The following PPP2R3B variants were observed in gnomAD, a reference collection of about 807,000 sequenced individuals.
The protein encoded by PPP2R3B is protein phosphatase 2 regulatory subunit B''beta, also known as serine/threonine-protein phosphatase 2A regulatory subunit B'' subunit beta.
In PPP2R3B, 68 loss-of-function variants were observed where a neutral mutation model predicts 72.9. The observed-to-expected ratio is 0.93, with a 90% confidence interval of 0.77 to 1.14. The LOEUF (loss-of-function observed/expected upper bound fraction) is 1.14. PPP2R3B is among the 50% of genes most tolerant of loss of function. The probability of loss-of-function intolerance (pLI) is 0.00; values close to 1 mark genes in which losing one functional copy is unlikely to be tolerated. For missense variants in PPP2R3B, 1,018 were observed against 842.0 expected (o/e 1.21, Z -2.59); for synonymous variants, 466 against 375.8 (o/e 1.24, Z -2.78).
intron 7 of PPP2R3B, 30 bp downstream of exon 7, chrX:345,486 C>T: frequency 2.5e-6 from 4 of 1,610,890 alleles, no homozygotes; most frequent in Middle Eastern, 1.7e-4. Flanking sequence ...GGTGTCCGCG[C>T]GGCCCGCCCG....
At chrX:355,465 G>A (rs1172189761) in intron 2 of PPP2R3B, among the ~76,000 whole-genome samples, 1 of 152,176 alleles carries the variant, frequency 6.6e-6, no homozygotes, top group African/African-American at 2.4e-5. Context: ...GCAGGCTGTC[G>A]TAGCAACGGA....
At chrX:352,888 G>C (rs948748075) in intron 2 of PPP2R3B, among the ~76,000 whole-genome samples, 8 of 150,960 alleles carry the variant, frequency 5.3e-5, no homozygotes, top group African/African-American at 1.9e-4. Context: ...ACATCGCGGA[G>C]CCGGAGGAGT....
intron 1 of PPP2R3B, chrX:373,484 G>C (rs1328598585): frequency 6.5e-6 from 1 of 153,028 alleles, no homozygotes; most frequent in Non-Finnish European, 1.5e-5. Flanking sequence ...TCGCCGGGCC[G>C]GGAGGCCTCG....
rs953339108 is a variant in PPP2R3B, at chrX:347,771, C to T, written c.511-78G>A. 6.0e-5 allele frequency: 65 copies of T among 1,079,136 alleles called. No individual in the cohort carries two copies. In the African/African-American group the frequency reaches 8.0e-4, roughly 13 times the overall value. 66.8% of individuals were successfully genotyped at this position (1,079,136 alleles called of 1,614,324 possible). A position where few individuals can be genotyped will look rare whatever the true frequency, so the allele number is the denominator to read the frequency against. ...TCCTGCTGCGTACCTCGCGCCTGAC[C>T]GACGCCGCCCAGAGACCCTCTGCTG... On this transcript the variant is annotated intron_variant, in intron 2 of 12. Transcript: ENST00000390665.
At chrX:359,888 T>C in intron 2 of PPP2R3B, 1 of 503,356 alleles carries the variant, frequency 2.0e-6, no homozygotes, top group Non-Finnish European at 3.9e-6. Flanking sequence ...TGGACTTACC[T>C]GAATGTGTCT....
intron 2 of PPP2R3B, among the ~76,000 whole-genome samples, chrX:348,341 C>T (rs772156758): frequency 3.6e-4 from 54 of 152,066 alleles, no homozygotes; most frequent in African/African-American, 1.3e-3. Context: ...TTTAGGAGGC[C>T]GAGGGGGGTG....
rs774238283 is a variant in PPP2R3B, at chrX:339,047, C to T, written c.1352-151G>A. ...ACGTGTTTGACGTGAAAGGCGGACA[C>T]GCGAGTGTCCTGGTTCTGGGTGGGG... is the stretch of plus-strand genomic sequence containing the variant. On this transcript the variant is annotated intron_variant, in intron 10 of 12. Transcript: ENST00000390665. The T allele has an allele frequency of 1.1e-4, 78 of 722,472 alleles. No homozygotes were observed. The East Asian group carries it at 1.4e-3, about 13-fold the overall frequency. The allele number at this position is 722,472 out of a possible 1,614,324, so 44.8% of individuals were successfully genotyped here. A position where few individuals can be genotyped will look rare whatever the true frequency, so the allele number is the denominator to read the frequency against.
chrX:334,529 G>A lies in PPP2R3B; in HGVS notation c.1578-12C>T, dbSNP rs1205272881. The A allele has an allele frequency of 2.7e-5, 41 of 1,528,206 alleles. No homozygotes were observed. Among genetic ancestry groups the A allele is most frequent in the Non-Finnish European group, 3.2e-5 (37 of 1,145,174 alleles). The allele number at this position is 1,528,206 out of a possible 1,614,324, so 94.7% of individuals were successfully genotyped here. On this transcript the variant is annotated splice_polypyrimidine_tract_variant and intron_variant, in intron 12 of 12. Coordinates refer to ENST00000390665, the MANE Select transcript of PPP2R3B (RefSeq NM_013239.5). ...GCTCGGCCTCGAACCTGCAACGAGG[G>A]GATGGCGAAGACGTGGCCAGCAGCG...
In PPP2R3B at chrX:346,707, G is replaced by C. The variant is rs748957101; in HGVS notation, c.786C>G (p.Ile262Met). 1.9e-6 allele frequency: 3 copies of C among 1,608,918 alleles called. No homozygotes were observed. The Admixed American group carries it at 5.0e-5, about 27-fold the overall frequency. Residue 262 changes from isoleucine (I) to methionine (M), a missense_variant, in exon 5 of 13, where the codon ATC (isoleucine) becomes ATG (methionine). By Grantham distance (10) the Ile-to-Met change is conservative. Transcript: ENST00000390665. ...CCCTCCGCTGGGGACCCACCGTGGT[G>C]ATGTAGCGCGAGTGGAACTCGGACG... Reference protein sequence around the residue: ...KEASEFHSRYITTVIQRIFYA... With the variant: ...KEASEFHSRYMTTVIQRIFYA...
chrX:368,898 G>T (rs1569410795), intron 1 of PPP2R3B, among the ~76,000 whole-genome samples: 2 of 150,286 alleles, frequency 1.3e-5, no homozygotes, highest in African/African-American at 2.5e-5. Flanking sequence ...CCGACGGGGG[G>T]AAAGCCGGGA....
intron 2 of PPP2R3B, among the ~76,000 whole-genome samples, chrX:356,822 C>CAGCGAGCCCCACAGTAACTACGCCTT (rs1267223509): frequency 2.5e-5 from 2 of 80,146 alleles, no homozygotes; most frequent in African/African-American, 1.1e-4. Context: ...GCCAGCCACA[C>CAGCGAGCCCCACAGTAACTACGCCTT]GGGAGCCCCA....
chrX:365,413 C>G (rs775999017), intron 1 of PPP2R3B, among the ~76,000 whole-genome samples: 1 of 34,594 alleles, frequency 2.9e-5, no homozygotes, highest in Non-Finnish European at 4.5e-5. Flanking sequence ...TGTGGTGGCG[C>G]ATGCCTGTAC....
Position 373,423 on chromosome X carries a change from C to T in PPP2R3B, c.325-11833G>A, listed in dbSNP as rs769876797. 2.0e-5 allele frequency: 3 copies of T among 152,282 alleles called. No individual in the cohort carries two copies. In the East Asian group the frequency reaches 5.8e-4, roughly 29 times the overall value. The allele number at this position is 152,282 out of a possible 1,614,324, so 9.4% of individuals were successfully genotyped here. A position where few individuals can be genotyped will look rare whatever the true frequency, so the allele number is the denominator to read the frequency against. ...GGGCCCCGCCACGCAACAACGGGTG[C>T]ACGGCCAGCAGCGGCGAGCGGGGGC... On this transcript the variant is annotated intron_variant, in intron 1 of 12. Transcript: ENST00000390665.
At chrX:345,002 A>C in intron 7 of PPP2R3B, 1 of 359,528 alleles carries the variant, frequency 2.8e-6, no homozygotes, top group Non-Finnish European at 5.5e-6. Flanking sequence ...AGTTCCTGCA[A>C]GTGTGGATGA....
At chrX:341,554 G>C in intron 8 of PPP2R3B, 158 bp from the exon 9 acceptor site, 1 of 778,296 alleles carries the variant, frequency 1.3e-6, no homozygotes, top group South Asian at 1.6e-5. Context: ...CGGGGAGGAG[G>C]TGGAGGCCCC....
At chrX:352,445 G>A (rs1296859992) in intron 2 of PPP2R3B, among the ~76,000 whole-genome samples, 18 of 150,936 alleles carry the variant, frequency 1.2e-4, no homozygotes, top group Admixed American at 3.3e-4. Context: ...ACACGGCAAC[G>A]GGACCCGGCC....
chrX:349,664 G>A lies in PPP2R3B; in HGVS notation c.511-1971C>T, dbSNP rs186916399. Among the ~76,000 whole-genome samples the A allele has an allele frequency of 2.0e-3, 307 of 152,290 alleles. 1 individual carries two copies. The highest frequency in any genetic ancestry group is 7.1e-3 in the African/African-American group (294 of 41,548). On this transcript the variant is annotated intron_variant, in intron 2 of 12. Coordinates refer to ENST00000390665, the MANE Select transcript of PPP2R3B (RefSeq NM_013239.5). Reference sequence around the variant, plus strand: ...ATAAGTATCTTCAGCAAAGTTGCTGGATCCAAGGACTATATGCAAAAATAA... The same window carrying A: ...ATAAGTATCTTCAGCAAAGTTGCTGAATCCAAGGACTATATGCAAAAATAA...
intron 1 of PPP2R3B, among the ~76,000 whole-genome samples, chrX:370,685 C>T (rs1391250801): frequency 1.3e-5 from 2 of 152,218 alleles, no homozygotes; most frequent in African/African-American, 4.8e-5. Flanking sequence ...CTCCCTGCCA[C>T]TGCCCAGGGA....
intron 2 of PPP2R3B, chrX:359,735 G>C: frequency 2.4e-6 from 1 of 418,080 alleles, no homozygotes; most frequent in South Asian, 1.7e-5. Flanking sequence ...TCTAAGAAAT[G>C]CAAGAAGTAT....
Sources: allele counts gnomAD v4.1 joint callset (sites outside exome capture counted in the v4.1 genomes callset), GRCh38; gene constraint gnomAD v4.1.1; transcripts MANE v1.5; gene names NCBI Gene and HGNC (gene_info 2026-07-23, HGNC 2026-07-21).